Variants in CHD7 observed in about 807,000 individuals in gnomAD.
CHD7 encodes the protein chromodomain helicase DNA binding protein 7.
A neutral mutation model predicts 307.3 loss-of-function variants in CHD7; 24 were observed. The observed-to-expected ratio is 0.08, with a 90% CI of 0.06 to 0.11. CHD7 has a LOEUF of 0.11. Ranked by LOEUF, CHD7 falls within the 10% of genes least tolerant of loss-of-function variation. The pLI, the probability that CHD7 is intolerant of heterozygous loss-of-function variation, is 1.00. For missense variants in CHD7, 3,106 were observed against 3,727.1 expected, an observed-to-expected ratio of 0.83 and a Z score of 4.34; for synonymous variants, 1,363 against 1,349.9, an observed-to-expected ratio of 1.01 and a Z score of -0.21.
intron 2 of CHD7, among the ~76,000 whole-genome samples, chr8:60,762,447 G>A (rs962362617): frequency 2.6e-5 from 4 of 152,128 alleles, no homozygotes; most frequent in African/African-American, 9.7e-5. Flanking sequence ...CTGGAGTCCC[G>A]ACTCTGTCAC....
At position 60,862,639 on chromosome 8, in the gene CHD7, T is replaced by G. The variant is rs755066542; in HGVS notation, c.8063T>G (p.Ile2688Arg). ...EFAVAPDWTD[I>R]VKQSGFVPES... is the part of the protein sequence containing the mutation. Reference sequence around the variant, plus strand: ...GCAGTTGCTCCAGACTGGACTGATATAGTTAAGCAGTCTGTAAGTACAAAC... The same window carrying G: ...GCAGTTGCTCCAGACTGGACTGATAGAGTTAAGCAGTCTGTAAGTACAAAC... Residue 2688 changes from isoleucine to arginine, a missense_variant, in exon 37 of 38, where the codon ATA (isoleucine) becomes AGA (arginine). Ile to Arg is a moderately conservative substitution (Grantham distance 97). This residue lies in a region of CHD7 where 59 missense variants were observed against 106.2 expected (regional missense o/e 0.56). Transcript: ENST00000423902. 1 of 1,561,522 alleles carries G rather than the reference T, an allele frequency of 6.4e-7. No homozygotes were observed. Among genetic ancestry groups the G allele is most frequent in the Non-Finnish European group, 8.7e-7 (1 of 1,151,266 alleles).
intron 1 of CHD7, among the ~76,000 whole-genome samples, chr8:60,722,607 TATC>T (rs1807964905): frequency 1.3e-5 from 2 of 152,252 alleles, no homozygotes; most frequent in Non-Finnish European, 2.9e-5. Context: ...GTTTATTTAA[TATC>T]AACATAAATC....
intron 37 of CHD7, 68 bp from the exon 38 acceptor site, chr8:60,864,948 G>A: frequency 6.9e-7 from 1 of 1,447,388 alleles, no homozygotes; most frequent in Non-Finnish European, 9.4e-7. Flanking sequence ...TCACCACAGA[G>A]GCTCACATTG....
Position 60,742,654 on chromosome 8 carries a change from A to G in CHD7, c.1222A>G (p.Thr408Ala), listed in dbSNP as rs760121832. The part of the protein sequence containing the change: ...PMKAMSNPAG[T>A]PPPQVRPGSA... ...GAAAGCAATGAGTAATCCAGCAGGC[A>G]CTCCTCCTCCACAAGTCAGGCCGGG... Residue 408 changes from threonine (T) to alanine (A), a missense_variant, in exon 2 of 38, where the codon ACT (threonine) becomes GCT (alanine). This residue lies in a region of CHD7 where 998 missense variants were observed against 1,004.5 expected (regional missense o/e 0.99). Transcript: ENST00000423902. 1 of 1,610,336 alleles carries G rather than the reference A, an allele frequency of 6.2e-7. No homozygotes were observed. Among genetic ancestry groups the G allele is most frequent in the Non-Finnish European group, 8.5e-7 (1 of 1,177,446 alleles).
intron 3 of CHD7, among the ~76,000 whole-genome samples, chr8:60,788,626 G>GA (rs1185507423): frequency 6.6e-6 from 1 of 152,154 alleles, no homozygotes; most frequent in African/African-American, 2.4e-5. Flanking sequence ...TGAGGGTGGC[G>GA]AGGCACCTGC....
intron 1 of CHD7, among the ~76,000 whole-genome samples, chr8:60,685,076 TCA>T (rs1805813700): frequency 6.6e-6 from 1 of 152,216 alleles, no homozygotes; most frequent in Non-Finnish European, 1.5e-5. Context: ...CTGATCCTAT[TCA>T]CAGAGGCAAG....
chr8:60,745,912 A>G (rs942255707), intron 2 of CHD7, among the ~76,000 whole-genome samples: 1 of 152,232 alleles, frequency 6.6e-6, no homozygotes, highest in South Asian at 2.1e-4. Context: ...AGTGCCTAGT[A>G]TAATGTCCAC....
rs398124321 is a variant in CHD7 at position 60,850,486 on chromosome 8, G to A, written c.5405-7G>A. On this transcript the variant is annotated splice_polypyrimidine_tract_variant and splice_region_variant and intron_variant, in intron 25 of 37. Coordinates refer to ENST00000423902, the MANE Select transcript of CHD7 (RefSeq NM_017780.4). ...GTGTTTTCTGTGCACGGATGGGCAC[G>A]GCACAGGCTATGAGAAGTACAACTC... 3 of 1,602,262 alleles carry A rather than the reference G, an allele frequency of 1.9e-6. No homozygotes were observed. Among genetic ancestry groups the A allele is most frequent in the Non-Finnish European group, 2.6e-6 (3 of 1,170,070 alleles).
chr8:60,743,631 A>C (rs1809173542), intron 2 of CHD7, among the ~76,000 whole-genome samples: 1 of 152,214 alleles, frequency 6.6e-6, no homozygotes, highest in Admixed American at 6.5e-5. Flanking sequence ...AACTGTAGAA[A>C]ATCACAGTAA....
intron 4 of CHD7, among the ~76,000 whole-genome samples, chr8:60,797,235 A>G (rs1394000816): frequency 6.6e-6 from 1 of 152,232 alleles, no homozygotes; most frequent in African/African-American, 2.4e-5. Flanking sequence ...TGTAAGATCA[A>G]TTATTATTTT....
intron 3 of CHD7, among the ~76,000 whole-genome samples, chr8:60,787,296 G>A (rs1811534760): frequency 6.6e-6 from 1 of 152,176 alleles, no homozygotes; most frequent in South Asian, 2.1e-4. Context: ...TGGCAGATTA[G>A]AGACCGTAAT....
At chr8:60,682,099 C>CT (rs1302223922) in intron 1 of CHD7, among the ~76,000 whole-genome samples, 1 of 152,090 alleles carries the variant, frequency 6.6e-6, no homozygotes, top group Non-Finnish European at 1.5e-5. Flanking sequence ...AAAGAAATAA[C>CT]TTTTTTTCCC....
intron 2 of CHD7, among the ~76,000 whole-genome samples, chr8:60,777,949 T>G (rs921944699): frequency 1.3e-5 from 2 of 152,226 alleles, no homozygotes; most frequent in Non-Finnish European, 2.9e-5. Flanking sequence ...TTTGCTCTAA[T>G]AAATGAGAGG....
Position 60,824,249 on chromosome 8 carries a change from T to A in CHD7, c.3378+233T>A, listed in dbSNP as rs575375925. 8.8e-6 allele frequency: 4 copies of A among 452,106 alleles called. No homozygotes were observed. In the East Asian group the frequency reaches 1.3e-4, roughly 14 times the overall value. 28.0% of individuals were successfully genotyped at this position (452,106 alleles called of 1,614,324 possible). On this transcript the variant is annotated intron_variant, in intron 13 of 37. Transcript: ENST00000423902. ...ATAGCAGAGTGTAATCATGATAGTT[T>A]CACTAAAGTGAGTTTCAAGTATTTG...
intron 3 of CHD7, among the ~76,000 whole-genome samples, chr8:60,782,093 T>C (rs1811267721): frequency 6.6e-6 from 1 of 152,238 alleles, no homozygotes; most frequent in Admixed American, 6.5e-5. Flanking sequence ...GGAGAAGACA[T>C]TGAAGACTAA....
At chr8:60,716,842 G>A (rs10957156) in intron 1 of CHD7, among the ~76,000 whole-genome samples, 117,482 of 151,958 alleles carry the variant, frequency 0.77, 45,725 homozygotes, top group East Asian at 0.94. Flanking sequence ...GCTAATCATT[G>A]GAGGGAAAAA....
chr8:60,727,053 T>C (rs1808196902), intron 1 of CHD7, among the ~76,000 whole-genome samples: 3 of 152,232 alleles, frequency 2.0e-5, no homozygotes, highest in African/African-American at 7.2e-5. Context: ...GTAAATGCTT[T>C]ACAAATACTA....
intron 2 of CHD7, among the ~76,000 whole-genome samples, chr8:60,756,939 A>T (rs924238060): frequency 1.3e-5 from 2 of 152,212 alleles, no homozygotes; most frequent in Admixed American, 6.5e-5. Context: ...CTTGATTTTT[A>T]AAAAGGGTCT....
At chr8:60,708,475 C>T (rs1486757519) in intron 1 of CHD7, among the ~76,000 whole-genome samples, 3 of 152,166 alleles carry the variant, frequency 2.0e-5, no homozygotes, top group Admixed American at 2.0e-4. Flanking sequence ...TGCATCTTAT[C>T]GGCTCACACT....
Sources: gnomAD v4.1 joint callset for allele counts (sites outside exome capture counted in the v4.1 genomes callset) on GRCh38, gnomAD v4.1.1 for gene constraint, gnomAD v4.1.1 regional missense constraint, MANE v1.5 for transcripts, NCBI Gene and HGNC (gene_info 2026-07-23, HGNC 2026-07-21) for gene names.